The following PRUNE2 variants were observed in gnomAD, a reference collection of about 807,000 sequenced individuals.
PRUNE2 encodes prune homolog 2 with BCH domain.
PRUNE2 carries 164 observed loss-of-function variants against 252.0 expected under a neutral mutation model. The observed-to-expected ratio is 0.65, with a 90% CI of 0.57 to 0.74. PRUNE2 has a LOEUF of 0.74. Among genes scored for constraint, PRUNE2 ranks in the 30% least tolerant of loss-of-function variants. PRUNE2 has a pLI of 0.00. For missense variants in PRUNE2, 3,495 were observed against 3,711.0 expected, an observed-to-expected ratio of 0.94 and a Z score of 1.51; for synonymous variants, 1,292 against 1,350.2, an observed-to-expected ratio of 0.96 and a Z score of 0.94.
intron 9 of PRUNE2, among the ~76,000 whole-genome samples, chr9:76,703,098 G>C (rs2046023835): frequency 1.2e-5 from 1 of 81,624 alleles, no homozygotes; most frequent in African/African-American, 3.8e-5. Flanking sequence ...GTGGCAGTTG[G>C]GGGGTAGGTA....
rs1461017500 is a variant in PRUNE2, at chr9:76,703,976, A to G, written c.7637T>C (p.Leu2546Pro). Residue 2546 changes from leucine (L) to proline (P), a missense_variant, in exon 9 of 19, where the codon CTA becomes CCA. By Grantham distance (98) the Leu-to-Pro change is moderately conservative. Coordinates refer to ENST00000376718, the MANE Select transcript of PRUNE2 (RefSeq NM_015225.3). ...CTEKNEDRHA[L>P]HMDYILVNRE... is the part of the protein sequence containing the mutation. ...GTTTACAAGTATGTAATCCATGTGT[A>G]GTGCATGACGATCTTCATTCTTCTC... 6.2e-7 allele frequency: 1 copy of G among 1,613,918 alleles called. No homozygotes were observed. The highest frequency in any genetic ancestry group is 1.1e-5 in the South Asian group (1 of 91,084).
intron 6 of PRUNE2, chr9:76,740,080 T>A (rs757964021): frequency 5.3e-5 from 8 of 149,976 alleles, no homozygotes; most frequent in East Asian, 2.0e-4. Flanking sequence ...AAAAACAAAG[T>A]TAACTATCAA....
At chr9:76,668,727 C>T (rs528577975) in intron 9 of PRUNE2, among the ~76,000 whole-genome samples, 2 of 151,948 alleles carry the variant, frequency 1.3e-5, no homozygotes, top group Admixed American at 1.3e-4. Flanking sequence ...ACAGGAGGAC[C>T]GGCTTCATTC....
chr9:76,688,954 C>T (rs1031249952), intron 9 of PRUNE2, among the ~76,000 whole-genome samples: 2 of 152,182 alleles, frequency 1.3e-5, no homozygotes, highest in African/African-American at 2.4e-5. Flanking sequence ...TTCTCCCAAC[C>T]TATTGAAATC....
At chr9:76,752,498 T>C (rs1305182516) in intron 6 of PRUNE2, among the ~76,000 whole-genome samples, 1 of 151,620 alleles carries the variant, frequency 6.6e-6, no homozygotes, top group African/African-American at 2.4e-5. Flanking sequence ...CCACATGAGA[T>C]GTTCATTCCA....
chr9:76,670,778 C>T (rs1445519841), intron 9 of PRUNE2, among the ~76,000 whole-genome samples: 3 of 151,750 alleles, frequency 2.0e-5, no homozygotes, highest in Non-Finnish European at 4.4e-5. Context: ...GGAGGCACCC[C>T]CCAGCAGGGG....
chr9:76,627,456 G>A (rs576505677), intron 16 of PRUNE2, among the ~76,000 whole-genome samples: 7 of 152,000 alleles, frequency 4.6e-5, no homozygotes, highest in African/African-American at 1.7e-4. Flanking sequence ...ATTTGAAGAC[G>A]GAGTACACCT....
chr9:76,621,923 C>T (rs1235537564), intron 17 of PRUNE2, among the ~76,000 whole-genome samples: 6 of 151,992 alleles, frequency 3.9e-5, no homozygotes, highest in South Asian at 2.1e-4. Context: ...TGGCCTCAAG[C>T]AATCCTCCCC....
intron 6 of PRUNE2, among the ~76,000 whole-genome samples, chr9:76,797,099 G>A (rs1443883462): frequency 6.6e-6 from 1 of 151,850 alleles, no homozygotes; most frequent in Non-Finnish European, 1.5e-5. Context: ...GAGAAAAAAG[G>A]GTTTACTTTA....
chr9:76,705,684 C>T lies in PRUNE2; in HGVS notation c.6590G>A (p.Gly2197Asp). 1.2e-6 allele frequency: 2 copies of T among 1,613,930 alleles called. No individual in the cohort carries two copies. Among genetic ancestry groups the T allele is most frequent in the Non-Finnish European group, 1.7e-6 (2 of 1,179,890 alleles). ...TACTTGTAAACCTGTACTGTTGTCA[C>T]CGTTTATTTCAGAAGGTTCAGGTGA... ...KGSPEPSEIN[G>D]DNSTGLQVSE... Residue 2197 changes from glycine (G) to aspartate (D), a missense_variant, in exon 8 of 19, where the codon GGT becomes GAT. Physicochemically the swap from Gly to Asp is moderately conservative, Grantham distance 94. Coordinates refer to ENST00000376718, the MANE Select transcript of PRUNE2 (RefSeq NM_015225.3).
chr9:76,709,896 G>A lies in PRUNE2; in HGVS notation c.2378C>T (p.Ala793Val). ...GNPTDDGEPAAVAPFPAWSAF... is the reference protein window; with the variant it reads ...GNPTDDGEPAVVAPFPAWSAF... ...ACTCCAGGCTGGGAATGGCGCCACA[G>A]CTGCTGGTTCACCATCATCTGTAGG... is the stretch of plus-strand genomic sequence containing the variant. Residue 793 changes from alanine (A) to valine (V), a missense_variant, in exon 8 of 19, where the codon GCT becomes GTT. Transcript: ENST00000376718. The A allele has an allele frequency of 6.2e-7, 1 of 1,613,886 alleles. No individual in the cohort carries two copies. The highest frequency in any genetic ancestry group is 8.5e-7 in the Non-Finnish European group (1 of 1,179,854).
chr9:76,716,475 G>C (rs1475176685), intron 6 of PRUNE2, among the ~76,000 whole-genome samples: 2 of 152,184 alleles, frequency 1.3e-5, no homozygotes, highest in Non-Finnish European at 2.9e-5. Context: ...GACTCTCTCA[G>C]CACTGTCACA....
intron 8 of PRUNE2, 124 bp downstream of exon 8, chr9:76,704,637 T>C (rs745939115): frequency 1.5e-6 from 1 of 678,410 alleles, no homozygotes; most frequent in Non-Finnish European, 2.5e-6. Context: ...TAGTGAGGCA[T>C]GCCTTGAAAA....
At chr9:76,758,492 C>T (rs2051368042) in intron 6 of PRUNE2, 1 of 150,194 alleles carries the variant, frequency 6.7e-6, no homozygotes, top group South Asian at 2.1e-4. Flanking sequence ...GTTGTTATAT[C>T]TTTAAAAAAA....
intron 1 of PRUNE2, among the ~76,000 whole-genome samples, chr9:76,870,673 G>A (rs533801754): frequency 6.8e-6 from 1 of 147,046 alleles, no homozygotes; most frequent in East Asian, 2.0e-4. Context: ...GTGACAGAGC[G>A]AGATTCTGTC....
chr9:76,879,469 A>G (rs2061639103), intron 1 of PRUNE2, among the ~76,000 whole-genome samples: 1 of 152,226 alleles, frequency 6.6e-6, no homozygotes, highest in African/African-American at 2.4e-5. Flanking sequence ...ACCAGGAGAT[A>G]TTAGCAAAAT....
chr9:76,883,303 C>T (rs1410539887), intron 1 of PRUNE2, among the ~76,000 whole-genome samples: 1 of 152,202 alleles, frequency 6.6e-6, no homozygotes, highest in Non-Finnish European at 1.5e-5. Flanking sequence ...AACATCGCAC[C>T]TTTCGGGTTC....
intron 17 of PRUNE2, among the ~76,000 whole-genome samples, chr9:76,622,354 TA>T (rs1832752364): frequency 6.6e-6 from 1 of 151,936 alleles, no homozygotes. Context: ...CCAAAAACAA[TA>T]ATCATTTTAC....
chr9:76,625,159 G>T, intron 16 of PRUNE2: 1 of 745,152 alleles, frequency 1.3e-6, no homozygotes, highest in Non-Finnish European at 2.0e-6. Context: ...GAGAGAAAAT[G>T]CCTATCCAGA....
Sources: gnomAD v4.1 joint callset for allele counts (sites outside exome capture counted in the v4.1 genomes callset) on GRCh38, gnomAD v4.1.1 for gene constraint, MANE v1.5 for transcripts, NCBI Gene and HGNC (gene_info 2026-07-23, HGNC 2026-07-21) for gene names.